Variants in NTNG1 observed in about 807,000 individuals in gnomAD.
The protein encoded by NTNG1 is netrin G1.
In NTNG1, 16 loss-of-function variants were observed where a neutral mutation model predicts 54.0. The ratio of observed to expected loss-of-function variants is 0.30; its 90% CI spans 0.20 to 0.45. The LOEUF (loss-of-function observed/expected upper bound fraction) is 0.45. Among genes scored for constraint, NTNG1 ranks in the 20% least tolerant of loss-of-function variants. NTNG1 has a pLI of 1.00. For synonymous variants in NTNG1, 255 were observed against 263.1 expected (o/e 0.97, Z 0.30); for missense variants, 530 against 678.7 (o/e 0.78, Z 2.43).
intron 2 of NTNG1, among the ~76,000 whole-genome samples, chr1:107,198,651 G>A (rs1400147555): frequency 2.0e-5 from 3 of 151,878 alleles, no homozygotes; most frequent in Non-Finnish European, 2.9e-5. Flanking sequence ...GACTCAGGGA[G>A]TCTAGATTCT....
intron 3 of NTNG1, among the ~76,000 whole-genome samples, chr1:107,337,119 CA>C (rs898141501): frequency 2.0e-5 from 3 of 151,862 alleles, no homozygotes; most frequent in Admixed American, 2.0e-4. Context: ...GGTATATATC[CA>C]AAAGAAGTTA....
At chr1:107,264,225 T>G (rs1663579242) in intron 2 of NTNG1, among the ~76,000 whole-genome samples, 1 of 152,152 alleles carries the variant, frequency 6.6e-6, no homozygotes, top group African/African-American at 2.4e-5. Context: ...CCACCGTTTT[T>G]CCACCCTGGT....
At chr1:107,430,997 T>C (rs1323054659) in intron 6 of NTNG1, 80 bp downstream of exon 6, 3 of 1,346,846 alleles carry the variant, frequency 2.2e-6, no homozygotes. Context: ...AGGCTGGCGA[T>C]TTGCACCGCG....
At chr1:107,141,966 C>T (rs1383031138) in intron 1 of NTNG1, among the ~76,000 whole-genome samples, 1 of 152,178 alleles carries the variant, frequency 6.6e-6, no homozygotes, top group Non-Finnish European at 1.5e-5. Flanking sequence ...TTTGAAGTCC[C>T]TTCTTTTAAT....
At chr1:107,232,372 TC>T (rs549570365) in intron 2 of NTNG1, among the ~76,000 whole-genome samples, 187 of 152,316 alleles carry the variant, frequency 1.2e-3, no homozygotes, top group Non-Finnish European at 2.0e-3. Flanking sequence ...TTTCCCTTCT[TC>T]CATGGAAACC....
intron 7 of NTNG1, among the ~76,000 whole-genome samples, chr1:107,470,207 C>T (rs936923227): frequency 6.6e-6 from 1 of 152,076 alleles, no homozygotes; most frequent in Non-Finnish European, 1.5e-5. Context: ...GTATTAGTAA[C>T]ACAAATACTG....
intron 2 of NTNG1, among the ~76,000 whole-genome samples, chr1:107,277,465 A>G (rs1317271065): frequency 6.6e-6 from 1 of 152,238 alleles, no homozygotes; most frequent in African/African-American, 2.4e-5. Context: ...TAGAAAGTGC[A>G]TGGAAACCTT....
At chr1:107,206,260 T>G (rs1416915299) in intron 2 of NTNG1, among the ~76,000 whole-genome samples, 1 of 152,176 alleles carries the variant, frequency 6.6e-6, no homozygotes, top group Admixed American at 6.5e-5. Flanking sequence ...CTACCCAGAA[T>G]GTATGAAATT....
intron 2 of NTNG1, among the ~76,000 whole-genome samples, chr1:107,195,792 C>T (rs1265145372): frequency 1.3e-5 from 2 of 151,948 alleles, no homozygotes; most frequent in African/African-American, 2.4e-5. Context: ...TGACTTGCTC[C>T]CTTGTTTATA....
chr1:107,459,643 AGC>A (rs1677159756), intron 7 of NTNG1, among the ~76,000 whole-genome samples: 1 of 152,252 alleles, frequency 6.6e-6, no homozygotes, highest in Admixed American at 6.5e-5. Context: ...GGGAGGACTT[AGC>A]AGCATCACCA....
intron 5 of NTNG1, among the ~76,000 whole-genome samples, chr1:107,420,746 A>G (rs1013394399): frequency 1.2e-4 from 18 of 152,166 alleles, no homozygotes; most frequent in African/African-American, 3.6e-4. Flanking sequence ...GATAATGTCA[A>G]CTGACAAGAC....
At chr1:107,176,112 T>A (rs973771654) in intron 2 of NTNG1, among the ~76,000 whole-genome samples, 1 of 152,150 alleles carries the variant, frequency 6.6e-6, no homozygotes, top group African/African-American at 2.4e-5. Context: ...TACTATTGGG[T>A]AGAAAAACTG....
At chr1:107,257,047 A>G (rs1035703740) in intron 2 of NTNG1, among the ~76,000 whole-genome samples, 2 of 152,132 alleles carry the variant, frequency 1.3e-5, no homozygotes, top group Non-Finnish European at 2.9e-5. Flanking sequence ...TCCTTCCTCA[A>G]CTACCTGCTG....
Position 107,297,294 on chromosome 1 carries a change from G to T in NTNG1, c.247-26988G>T, listed in dbSNP as rs556557823. ...CAGTTAAGGATGCATGTTGTAAATT[G>T]AAGATTGAAGAACCTGATGTATTCT... On this transcript the variant is annotated intron_variant, in intron 2 of 7. Coordinates refer to ENST00000370068, the MANE Select transcript of NTNG1 (RefSeq NM_001113226.3). Among the ~76,000 whole-genome samples the T allele has an allele frequency of 1.2e-3, 179 of 145,888 alleles. 1 individual carries two copies. The highest frequency in any genetic ancestry group is 4.4e-3 in the African/African-American group (174 of 39,274).
intron 7 of NTNG1, among the ~76,000 whole-genome samples, chr1:107,463,743 G>A (rs1304285851): frequency 6.6e-6 from 1 of 151,776 alleles, no homozygotes; most frequent in African/African-American, 2.4e-5. Context: ...GTCTATATAA[G>A]GCAAGAGCCC....
At chr1:107,437,170 A>C (rs534941665) in intron 7 of NTNG1, among the ~76,000 whole-genome samples, 1 of 152,200 alleles carries the variant, frequency 6.6e-6, no homozygotes, top group Non-Finnish European at 1.5e-5. Flanking sequence ...GTTACCCTAG[A>C]GCTCCAGAGT....
chr1:107,225,301 A>G (rs577543227), intron 2 of NTNG1, among the ~76,000 whole-genome samples: 11 of 152,256 alleles, frequency 7.2e-5, no homozygotes, highest in Admixed American at 2.6e-4. Flanking sequence ...CCAAGACATT[A>G]TATCCATCTC....
At chr1:107,187,204 C>T (rs1379248768) in intron 2 of NTNG1, among the ~76,000 whole-genome samples, 1 of 152,016 alleles carries the variant, frequency 6.6e-6, no homozygotes, top group East Asian at 1.9e-4. Context: ...TTGTTTATTG[C>T]CTATCTTTAC....
chr1:107,456,151 A>C (rs1405736542), intron 7 of NTNG1, among the ~76,000 whole-genome samples: 1 of 152,214 alleles, frequency 6.6e-6, no homozygotes, highest in Non-Finnish European at 1.5e-5. Context: ...AAAGGCCGTG[A>C]AGGAGCAGTG....
Sources: gnomAD v4.1 joint callset for allele counts (sites outside exome capture counted in the v4.1 genomes callset) on GRCh38, gnomAD v4.1.1 for gene constraint, MANE v1.5 for transcripts, NCBI Gene and HGNC (gene_info 2026-07-23, HGNC 2026-07-21) for gene names.